ZFPM2: variants seen among roughly 807,000 people sequenced by gnomAD.
The protein encoded by ZFPM2 is zinc finger protein, FOG family member 2.
Under a neutral mutation model 98.6 loss-of-function variants are expected in ZFPM2, and 20 were observed. The observed-to-expected ratio is 0.20, with a 90% confidence interval of 0.14 to 0.29. ZFPM2 has a LOEUF of 0.29. Ranked by LOEUF, ZFPM2 falls within the 10% of genes least tolerant of loss-of-function variation. ZFPM2 has a pLI of 1.00. For missense variants in ZFPM2, 1,310 were observed against 1,388.6 expected (o/e 0.94, Z 0.90); for synonymous variants, 518 against 502.7 (o/e 1.03, Z -0.41).
chr8:105,621,471 A>G (rs1236637019), intron 4 of ZFPM2, among the ~76,000 whole-genome samples: 3 of 152,176 alleles, frequency 2.0e-5, no homozygotes, highest in Non-Finnish European at 1.5e-5. Flanking sequence ...GTCATCTGCA[A>G]ACAGGGTCAA....
At chr8:105,675,335 A>G (rs1196741393) in intron 5 of ZFPM2, among the ~76,000 whole-genome samples, 4 of 152,174 alleles carry the variant, frequency 2.6e-5, no homozygotes, top group Non-Finnish European at 5.9e-5. Context: ...GACCAAGTCA[A>G]TAGTGTTTAG....
At chr8:105,374,965 C>T (rs1177810116) in intron 1 of ZFPM2, among the ~76,000 whole-genome samples, 1 of 152,036 alleles carries the variant, frequency 6.6e-6, no homozygotes, top group Non-Finnish European at 1.5e-5. Context: ...TCTGCAGGGA[C>T]TGTCTGCCCA....
At position 105,572,352 on chromosome 8, in the gene ZFPM2, A is replaced by T. The variant is rs139877710; in HGVS notation, c.420+10871A>T. On this transcript the variant is annotated intron_variant, in intron 4 of 7. Transcript: ENST00000407775. ...CACCTAGCCTCTTGCATAAATTTCT[A>T]ATAAGAGAATAATAAAGTAATATTT... Among the ~76,000 whole-genome samples the T allele has an allele frequency of 9.2e-5, 14 of 151,866 alleles. No individual in the cohort carries two copies. In the East Asian group the frequency reaches 2.8e-3, roughly 30 times the overall value.
intron 2 of ZFPM2, among the ~76,000 whole-genome samples, chr8:105,434,458 C>T (rs540144628): frequency 2.0e-5 from 3 of 152,258 alleles, no homozygotes; most frequent in African/African-American, 7.2e-5. Context: ...TGTTGAAGTC[C>T]TTTAACCAAA....
At chr8:105,651,752 A>G (rs1238130187) in intron 5 of ZFPM2, among the ~76,000 whole-genome samples, 1 of 152,150 alleles carries the variant, frequency 6.6e-6, no homozygotes. Flanking sequence ...GTATACACCC[A>G]CTGAATTTTG....
At chr8:105,336,655 A>G (rs2092059155) in intron 1 of ZFPM2, among the ~76,000 whole-genome samples, 1 of 150,964 alleles carries the variant, frequency 6.6e-6, no homozygotes, top group Admixed American at 6.7e-5. Flanking sequence ...GAAACGCTTT[A>G]TAAGATAGAT....
At chr8:105,423,314 T>A (rs531041791) in intron 2 of ZFPM2, among the ~76,000 whole-genome samples, 70 of 152,328 alleles carry the variant, frequency 4.6e-4, no homozygotes, top group African/African-American at 1.6e-3. Context: ...ATGTCTCTTT[T>A]TATTTTGGAT....
chr8:105,788,687 A>G (rs747880486), intron 5 of ZFPM2, 31 bp from the exon 6 acceptor site: 84 of 1,607,634 alleles, frequency 5.2e-5, no homozygotes, highest in Non-Finnish European at 6.8e-5. Context: ...TCCTATGTCA[A>G]TTTTATCTTT....
At chr8:105,573,072 G>T (rs956854302) in intron 4 of ZFPM2, among the ~76,000 whole-genome samples, 3 of 152,118 alleles carry the variant, frequency 2.0e-5, no homozygotes, top group Admixed American at 1.3e-4. Flanking sequence ...GACAGGTCTT[G>T]GTGTCATCTG....
chr8:105,578,624 A>T (rs2343594), intron 4 of ZFPM2, among the ~76,000 whole-genome samples: 105,792 of 151,462 alleles, frequency 0.7, 38,281 homozygotes, highest in African/African-American at 0.92. Context: ...TAGTGAACCT[A>T]ACATTGTGAA....
intron 3 of ZFPM2, among the ~76,000 whole-genome samples, chr8:105,551,886 G>A (rs148097326): frequency 2.6e-5 from 4 of 152,176 alleles, no homozygotes; most frequent in South Asian, 4.1e-4. Flanking sequence ...GCTAACACAG[G>A]ATCTAGCACG....
chr8:105,773,781 C>T (rs1813037589), intron 5 of ZFPM2, among the ~76,000 whole-genome samples: 1 of 151,946 alleles, frequency 6.6e-6, no homozygotes. Flanking sequence ...GAAGTTTGAT[C>T]TTAGTCATCT....
At chr8:105,659,637 A>G (rs1195899980) in intron 5 of ZFPM2, among the ~76,000 whole-genome samples, 4 of 152,226 alleles carry the variant, frequency 2.6e-5, no homozygotes, top group Non-Finnish European at 5.9e-5. Flanking sequence ...ATGGAGTTAA[A>G]TCACAAAATA....
chr8:105,602,028 A>T (rs1346305612), intron 4 of ZFPM2, among the ~76,000 whole-genome samples: 3 of 151,982 alleles, frequency 2.0e-5, no homozygotes, highest in Non-Finnish European at 4.4e-5. Flanking sequence ...CCTTCCTCTC[A>T]CGTCCAACTG....
chr8:105,561,245 T>G (rs942353998), intron 3 of ZFPM2, 118 bp from the exon 4 acceptor site: 1 of 776,056 alleles, frequency 1.3e-6, no homozygotes, highest in African/African-American at 1.7e-5. Flanking sequence ...CAAGCATAAT[T>G]AATTCTCTTT....
At chr8:105,519,948 C>T (rs1172741099) in intron 3 of ZFPM2, among the ~76,000 whole-genome samples, 1 of 152,012 alleles carries the variant, frequency 6.6e-6, no homozygotes, top group Non-Finnish European at 1.5e-5. Context: ...AGGAAAAATA[C>T]GTTTGTGCTG....
At chr8:105,421,926 A>C (rs1811800892) in intron 2 of ZFPM2, among the ~76,000 whole-genome samples, 1 of 151,590 alleles carries the variant, frequency 6.6e-6, no homozygotes, top group Non-Finnish European at 1.5e-5. Flanking sequence ...GGGTGCCTAT[A>C]ATCCCAGTTA....
chr8:105,790,322 G>C (rs1563566101), intron 6 of ZFPM2, among the ~76,000 whole-genome samples: 2 of 151,830 alleles, frequency 1.3e-5, no homozygotes, highest in African/African-American at 2.4e-5. Context: ...AGTTTTCCCA[G>C]CACCATTTAT....
chr8:105,541,682 A>G (rs1367137550), intron 3 of ZFPM2, among the ~76,000 whole-genome samples: 1 of 152,214 alleles, frequency 6.6e-6, no homozygotes, highest in East Asian at 1.9e-4. Context: ...GGGAGCAGTA[A>G]TATCTGTGTT....
Sources: gnomAD v4.1 joint callset for allele counts (sites outside exome capture counted in the v4.1 genomes callset) on GRCh38, gnomAD v4.1.1 for gene constraint, MANE v1.5 for transcripts, NCBI Gene and HGNC (gene_info 2026-07-23, HGNC 2026-07-21) for gene names.